The following SESTD1 variants were observed in gnomAD, a reference collection of about 807,000 sequenced individuals.
The protein encoded by SESTD1 is SEC14 domain and spectrin repeat-containing protein 1.
A neutral mutation model predicts 101.7 loss-of-function variants in SESTD1; 43 were observed. The observed-to-expected ratio is 0.42, with a 90% CI of 0.33 to 0.55. SESTD1 has a LOEUF of 0.55. SESTD1 is among the 20% of genes least tolerant of loss of function. SESTD1 has a pLI of 0.07. For synonymous variants in SESTD1, 283 were observed against 286.8 expected (o/e 0.99, Z 0.13); for missense variants, 647 against 815.1 (o/e 0.79, Z 2.51).
In SESTD1 at chr2:179,121,796, C is replaced by T; in HGVS notation, c.1416G>A (p.Met472Ile). The change falls in exon 13 of 18, where the codon ATG becomes ATA. Residue 472 changes from methionine to isoleucine, a missense_variant. Physicochemically the swap from Met to Ile is conservative, Grantham distance 10. Coordinates refer to ENST00000428443, the MANE Select transcript of SESTD1 (RefSeq NM_178123.5). ...KENVDHIQGV[M>I]EDMQLRKQRC... ...TTTGTTTTCTAAGCTGCATATCTTC[C>T]ATCACTCCTTGTATGTGGTCCACAT... is the stretch of plus-strand genomic sequence containing the variant. 6.3e-7 allele frequency: 1 copy of T among 1,592,604 alleles called. No individual in the cohort carries two copies. The highest frequency in any genetic ancestry group is 8.5e-7 in the Non-Finnish European group (1 of 1,170,932).
rs79620431 is a variant in SESTD1, at chr2:179,218,362, G to A, written c.-25-26496C>T. Among the ~76,000 whole-genome samples, 5 of 151,816 alleles carry A rather than the reference G, an allele frequency of 3.3e-5. No homozygotes were observed. In the East Asian group the frequency reaches 5.8e-4, roughly 18 times the overall value. On this transcript the variant is annotated intron_variant, in intron 1 of 17. Coordinates refer to ENST00000428443, the MANE Select transcript of SESTD1 (RefSeq NM_178123.5). The stretch of plus-strand genomic sequence containing the variant: ...AAGAATTAAGGAATTCACAACATTC[G>A]TAACAAAAAAAATACACAGCACTTC...
At chr2:179,168,378 AG>A (rs2045872587) in intron 5 of SESTD1, among the ~76,000 whole-genome samples, 1 of 152,234 alleles carries the variant, frequency 6.6e-6, no homozygotes, top group Non-Finnish European at 1.5e-5. Flanking sequence ...GTAATTAGTA[AG>A]GCTTTTGGTC....
At chr2:179,175,259 G>A (rs1302997825) in intron 4 of SESTD1, among the ~76,000 whole-genome samples, 2 of 152,046 alleles carry the variant, frequency 1.3e-5, no homozygotes, top group Non-Finnish European at 2.9e-5. Flanking sequence ...ACTAAAACTA[G>A]AACTAAAACC....
intron 2 of SESTD1, among the ~76,000 whole-genome samples, chr2:179,185,375 T>C (rs2046193907): frequency 6.8e-6 from 1 of 146,576 alleles, no homozygotes; most frequent in Non-Finnish European, 1.5e-5. Context: ...ATAAATTCAA[T>C]ATATATTACA....
chr2:179,172,106 G>A lies in SESTD1; in HGVS notation c.369+14C>T. ...AAAGATATAATGGACTTTAAAAAAA[G>A]AGATTACATTTACCTCAAAGCCAAG... On this transcript the variant is annotated intron_variant, in intron 5 of 17. Transcript: ENST00000428443. 6.7e-7 allele frequency: 1 copy of A among 1,482,804 alleles called. No individual in the cohort carries two copies. Among genetic ancestry groups the A allele is most frequent in the Non-Finnish European group, 9.3e-7 (1 of 1,070,666 alleles). The allele number at this position is 1,482,804 out of a possible 1,614,324, so 91.9% of individuals were successfully genotyped here. A position where few individuals can be genotyped will look rare whatever the true frequency, so the allele number is the denominator to read the frequency against.
chr2:179,126,801 C>T (rs977049095), intron 10 of SESTD1, among the ~76,000 whole-genome samples: 4 of 152,060 alleles, frequency 2.6e-5, no homozygotes, highest in African/African-American at 9.7e-5. Flanking sequence ...ATCCTCCCAA[C>T]CTGTTCCTCT....
chr2:179,168,110 C>T (rs571163246), intron 5 of SESTD1, among the ~76,000 whole-genome samples: 13 of 152,166 alleles, frequency 8.5e-5, no homozygotes, highest in African/African-American at 2.9e-4. Context: ...GACTGAATTG[C>T]ACAGGTCCAC....
rs2044660188 is a variant in SESTD1 at position 179,117,541 on chromosome 2, ATCTTCTTCACATTTAAACAAC to A, written c.1494_1514del (p.Gln498_Asp505delinsHis). ...GCTGACTGCTCCTTACCTGGGCAGC[ATCTTCTTCACATTTAAACAAC>A]TGCACCATCTGAAGCATCTTTAACC... On this transcript the variant is annotated inframe_deletion, in exon 14 of 18. Coordinates refer to ENST00000428443, the MANE Select transcript of SESTD1 (RefSeq NM_178123.5). 1 of 1,575,328 alleles carries A rather than the reference ATCTTCTTCACATTTAAACAAC, an allele frequency of 6.3e-7. No homozygotes were observed. Among genetic ancestry groups the A allele is most frequent in the Non-Finnish European group, 8.6e-7 (1 of 1,166,426 alleles).
intron 4 of SESTD1, among the ~76,000 whole-genome samples, chr2:179,175,878 G>A (rs1330422915): frequency 6.6e-6 from 1 of 152,200 alleles, no homozygotes; most frequent in Non-Finnish European, 1.5e-5. Flanking sequence ...TGTAATCGTA[G>A]ATGTTTATTA....
intron 1 of SESTD1, among the ~76,000 whole-genome samples, chr2:179,263,391 T>C (rs2047509821): frequency 6.6e-6 from 1 of 152,172 alleles, no homozygotes; most frequent in Admixed American, 6.5e-5. Context: ...GAGGAAAAAT[T>C]CTCACATTAA....
chr2:179,234,278 T>G (rs2047029608), intron 1 of SESTD1, among the ~76,000 whole-genome samples: 1 of 152,144 alleles, frequency 6.6e-6, no homozygotes. Flanking sequence ...CAGATTAGAC[T>G]TACCAGCCTC....
At chr2:179,154,402 T>A (rs918040362) in intron 5 of SESTD1, among the ~76,000 whole-genome samples, 53 of 152,266 alleles carry the variant, frequency 3.5e-4, no homozygotes, top group Admixed American at 9.8e-4. Flanking sequence ...AGACAAATAA[T>A]AAGTTTCTCA....
intron 5 of SESTD1, among the ~76,000 whole-genome samples, chr2:179,170,996 A>G (rs2045921112): frequency 6.6e-6 from 1 of 152,190 alleles, no homozygotes; most frequent in Admixed American, 6.5e-5. Context: ...AATTCTATGA[A>G]TCAATATACC....
Position 179,106,292 on chromosome 2 carries a change from T to C in SESTD1, c.*3607A>G, listed in dbSNP as rs2044380759. ...GTAAAGGACATTAGCAACCACAGTA[T>C]GTTTAGTTTTTAGTAGCAACAGTAT... is the stretch of plus-strand genomic sequence containing the variant. On this transcript the variant is annotated 3_prime_UTR_variant, in exon 18 of 18. Coordinates refer to ENST00000428443, the MANE Select transcript of SESTD1 (RefSeq NM_178123.5). 6.6e-6 allele frequency: 1 copy of C among 152,186 alleles called. No individual in the cohort carries two copies. The highest frequency in any genetic ancestry group is 1.5e-5 in the Non-Finnish European group (1 of 68,028). The allele number at this position is 152,186 out of a possible 1,614,324, so 9.4% of individuals were successfully genotyped here. A position where few individuals can be genotyped will look rare whatever the true frequency, so the allele number is the denominator to read the frequency against.
intron 16 of SESTD1, 39 bp from the exon 17 acceptor site, chr2:179,112,884 A>G: frequency 6.3e-7 from 1 of 1,583,494 alleles, no homozygotes; most frequent in Non-Finnish European, 8.5e-7. Flanking sequence ...CAAGAGACAC[A>G]GACAGGTCTG....
chr2:179,152,305 G>C (rs566769217), intron 5 of SESTD1, among the ~76,000 whole-genome samples: 1 of 152,310 alleles, frequency 6.6e-6, no homozygotes, highest in East Asian at 1.9e-4. Flanking sequence ...TGAAGTTGAA[G>C]AGAAGGCAAG....
At chr2:179,114,062 ATACTTGTGGTATGTTTTCTATGT>A (rs2044573415) in intron 16 of SESTD1, among the ~76,000 whole-genome samples, 1 of 152,174 alleles carries the variant, frequency 6.6e-6, no homozygotes, top group Non-Finnish European at 1.5e-5. Flanking sequence ...ACTGCACAGA[ATACTTGTGGTATGTTTTCTATGT>A]TAATAGTATA....
At chr2:179,181,401 A>G (rs1191034031) in intron 3 of SESTD1, among the ~76,000 whole-genome samples, 1 of 152,194 alleles carries the variant, frequency 6.6e-6, no homozygotes, top group East Asian at 1.9e-4. Context: ...ACTTGCTCCA[A>G]TGCTGAAGGA....
At chr2:179,119,918 A>G (rs1404248721) in intron 13 of SESTD1, among the ~76,000 whole-genome samples, 1 of 152,164 alleles carries the variant, frequency 6.6e-6, no homozygotes, top group African/African-American at 2.4e-5. Context: ...GAGCCCATTA[A>G]GCCTCTTTTC....
Sources: allele counts gnomAD v4.1 joint callset (sites outside exome capture counted in the v4.1 genomes callset), GRCh38; gene constraint gnomAD v4.1.1; transcripts MANE v1.5; gene names NCBI Gene and HGNC (gene_info 2026-07-23, HGNC 2026-07-21).